Variants in LOXL2 observed in about 807,000 individuals in gnomAD.
The protein encoded by LOXL2 is lysyl oxidase like 2, also known as lysyl oxidase homolog 2.
Under a neutral mutation model 93.0 loss-of-function variants are expected in LOXL2, and 70 were observed. The ratio of observed to expected loss-of-function variants is 0.75; its 90% confidence interval spans 0.62 to 0.92. The LOEUF is 0.92. Ranked by LOEUF, LOXL2 falls within the 40% of genes least tolerant of loss-of-function variation. LOXL2 has a pLI of 0.00. For synonymous variants in LOXL2, 438 were observed against 413.2 expected, an observed-to-expected ratio of 1.06 and a Z score of -0.73; for missense variants, 973 against 1,054.9, an observed-to-expected ratio of 0.92 and a Z score of 1.08.
chr8:23,298,267 A>G, intron 13 of LOXL2, 145 bp from the exon 14 acceptor site: 1 of 634,930 alleles, frequency 1.6e-6, no homozygotes, highest in Non-Finnish European at 2.8e-6. Context: ...GGCACTGGCC[A>G]TCTCTAGGGC....
chr8:23,396,018 C>T (rs550801452), intron 1 of LOXL2, among the ~76,000 whole-genome samples: 39 of 151,984 alleles, frequency 2.6e-4, no homozygotes, highest in Admixed American at 5.2e-4. Flanking sequence ...ACTGATAAAT[C>T]GTTCTACTTA....
chr8:23,314,561 C>T lies in LOXL2; in HGVS notation c.1636+2388G>A, dbSNP rs1232845970. On this transcript the variant is annotated intron_variant, in intron 9 of 13. Coordinates refer to ENST00000389131, the MANE Select transcript of LOXL2 (RefSeq NM_002318.3). ...CGCAAGAACAAAAAACCAAACACCGCATATTCTCACTCATAGGTGGGAACT... is the reference window on the plus strand; with the variant it reads ...CGCAAGAACAAAAAACCAAACACCGTATATTCTCACTCATAGGTGGGAACT... Among the ~76,000 whole-genome samples the T allele has an allele frequency of 1.2e-4, 17 of 143,066 alleles. No homozygotes were observed. In the East Asian group the frequency reaches 2.4e-3, roughly 21 times the overall value. 93.9% of individuals were successfully genotyped at this position (143,066 alleles called of 152,430 possible).
At chr8:23,309,552 C>A in intron 10 of LOXL2, 116 bp downstream of exon 10, 1 of 1,207,376 alleles carries the variant, frequency 8.3e-7, no homozygotes, top group Non-Finnish European at 1.1e-6. Context: ...AGGATCCTAT[C>A]CCCAGGCCAT....
intron 6 of LOXL2, among the ~76,000 whole-genome samples, chr8:23,328,160 C>A (rs1183028260): frequency 6.6e-6 from 1 of 152,156 alleles, no homozygotes; most frequent in East Asian, 1.9e-4. Context: ...TTTACTCCGT[C>A]TTTTGGGCCT....
intron 4 of LOXL2, among the ~76,000 whole-genome samples, chr8:23,334,052 T>A (rs1027215989): frequency 2.0e-5 from 3 of 151,628 alleles, no homozygotes; most frequent in Non-Finnish European, 4.4e-5. Flanking sequence ...TTGTCATTCT[T>A]TTTTTTTTCT....
chr8:23,335,210 C>G (rs1049950474), intron 4 of LOXL2, among the ~76,000 whole-genome samples: 1 of 152,096 alleles, frequency 6.6e-6, no homozygotes, highest in Admixed American at 6.5e-5. Context: ...ATCTGGGTTC[C>G]CATGACTCTG....
At chr8:23,348,591 G>GC (rs1804032743) in intron 3 of LOXL2, among the ~76,000 whole-genome samples, 2 of 151,622 alleles carry the variant, frequency 1.3e-5, no homozygotes, top group East Asian at 3.9e-4. Context: ...CAAAACAGTG[G>GC]CCTCGGCCGG....
intron 3 of LOXL2, among the ~76,000 whole-genome samples, chr8:23,349,581 G>A (rs536960803): frequency 3.3e-5 from 5 of 151,222 alleles, no homozygotes; most frequent in Non-Finnish European, 7.4e-5. Flanking sequence ...ACGTCCACAC[G>A]TTTGATTTCT....
intron 3 of LOXL2, among the ~76,000 whole-genome samples, chr8:23,347,655 A>AT (rs1327438171): frequency 1.3e-5 from 2 of 152,126 alleles, no homozygotes; most frequent in Admixed American, 6.5e-5. Flanking sequence ...GTTTCAAAAA[A>AT]ATATAAATAA....
At chr8:23,394,451 A>C (rs1353812607) in intron 1 of LOXL2, among the ~76,000 whole-genome samples, 2 of 151,976 alleles carry the variant, frequency 1.3e-5, no homozygotes, top group East Asian at 1.9e-4. Flanking sequence ...CAAAAACTTA[A>C]ATAGACACTT....
At chr8:23,365,967 C>G (rs1204939550) in intron 2 of LOXL2, 1 of 152,258 alleles carries the variant, frequency 6.6e-6, no homozygotes, top group Non-Finnish European at 1.5e-5. Context: ...GAACTTTTCA[C>G]TCTTCACCAC....
chr8:23,342,564 T>G lies in LOXL2; in HGVS notation c.532-1361A>C, dbSNP rs1289030369. ...CTCCTGCCTCAGCCTCCCAAGTAGC[T>G]GGGACTACAGGCGCACGCCACCACA... On this transcript the variant is annotated intron_variant, in intron 3 of 13. Coordinates refer to ENST00000389131, the MANE Select transcript of LOXL2 (RefSeq NM_002318.3). Among the ~76,000 whole-genome samples the G allele has an allele frequency of 2.0e-5, 3 of 151,832 alleles. 1 individual carries two copies.
chr8:23,298,147 A>G lies in LOXL2; in HGVS notation c.2246-25T>C, dbSNP rs756437190. ...CCTGAAGAGCGAGAATCGGGTAGAG[A>G]GAGTGGACAAATGAGATGCTCGGGC... On this transcript the variant is annotated intron_variant, in intron 13 of 13. Transcript: ENST00000389131. The G allele has an allele frequency of 6.3e-6, 10 of 1,591,154 alleles. No homozygotes were observed. In the East Asian group the frequency reaches 2.0e-4, roughly 32 times the overall value.
At chr8:23,366,521 T>C (rs1470986338) in intron 2 of LOXL2, among the ~76,000 whole-genome samples, 1 of 152,260 alleles carries the variant, frequency 6.6e-6, no homozygotes, top group African/African-American at 2.4e-5. Flanking sequence ...AACCTGTCAC[T>C]TTGCAGACTT....
intron 4 of LOXL2, among the ~76,000 whole-genome samples, chr8:23,338,347 C>A (rs1803828616): frequency 6.6e-6 from 1 of 151,884 alleles, no homozygotes; most frequent in African/African-American, 2.4e-5. Context: ...CAGGGGGCAG[C>A]TCTCAGGCTT....
At chr8:23,300,199 G>A (rs922910518) in intron 12 of LOXL2, among the ~76,000 whole-genome samples, 10 of 152,222 alleles carry the variant, frequency 6.6e-5, no homozygotes, top group African/African-American at 2.4e-4. Context: ...TCGTGTTGGG[G>A]ACACGAGGGC....
rs1554475672 is a variant in LOXL2 at position 23,307,953 on chromosome 8, G to GAAAAAAAAAA, written c.1880+1705_1880+1714dup. 2.5e-4 allele frequency among the ~76,000 whole-genome samples: 21 copies of GAAAAAAAAAA among 83,548 alleles called. No individual in the cohort carries two copies. In the East Asian group the frequency reaches 4.6e-3, roughly 18 times the overall value. 54.8% of individuals were successfully genotyped at this position (83,548 alleles called of 152,430 possible). ...GTGACTAGGTCATCAGCTGCGATAT[G>GAAAAAAAAAA]AAAAAAAAAAAAAAAAAAAAGCCAA... On this transcript the variant is annotated intron_variant, in intron 10 of 13. Transcript: ENST00000389131.
At chr8:23,348,041 G>C (rs956884915) in intron 3 of LOXL2, among the ~76,000 whole-genome samples, 6 of 151,870 alleles carry the variant, frequency 4.0e-5, no homozygotes, top group Non-Finnish European at 8.8e-5. Context: ...AGAAAGAAAA[G>C]GTGGCACATA....
Position 23,298,106 on chromosome 8 carries a change from T to C in LOXL2, c.2262A>G (p.Glu754=). The change falls in exon 14 of 14, where the codon GAA becomes GAG. Residue 754 remains glutamate (E), a synonymous_variant. Transcript: ENST00000389131. ...YNCHIGGSFS[E]ETEKKFEHFS... is the part of the protein sequence containing the mutation. ...AGTGCTCAAACTTTTTTTCCGTCTC[T>C]TCGCTGAAGGAACCACCTGAAGAGC... The C allele has an allele frequency of 6.2e-7, 1 of 1,613,614 alleles. No homozygotes were observed. Among genetic ancestry groups the C allele is most frequent in the Non-Finnish European group, 8.5e-7 (1 of 1,179,948 alleles).
Sources: allele counts gnomAD v4.1 joint callset (sites outside exome capture counted in the v4.1 genomes callset), GRCh38; gene constraint gnomAD v4.1.1; transcripts MANE v1.5; gene names NCBI Gene and HGNC (gene_info 2026-07-23, HGNC 2026-07-21).